The following HDAC9 variants were observed in gnomAD, a reference collection of about 807,000 sequenced individuals.
The protein encoded by HDAC9 is MEF-2 interacting transcription repressor (MITR) protein.
Under a neutral mutation model 139.4 loss-of-function variants are expected in HDAC9, and 41 were observed. The observed-to-expected ratio is 0.29, with a 90% CI of 0.23 to 0.38. The LOEUF (loss-of-function observed/expected upper bound fraction) is 0.38, where lower values mean the gene tolerates loss of function less well. Ranked by LOEUF, HDAC9 falls within the 10% of genes least tolerant of loss-of-function variation. The pLI is 1.00. For synonymous variants in HDAC9, 517 were observed against 476.2 expected (o/e 1.09, Z -1.12); for missense variants, 1,147 against 1,297.0 (o/e 0.88, Z 1.78).
At chr7:18,092,457 C>A (rs1782231877) in intron 1 of HDAC9, among the ~76,000 whole-genome samples, 1 of 151,130 alleles carries the variant, frequency 6.6e-6, no homozygotes, top group African/African-American at 2.4e-5. Flanking sequence ...GACTTTGAAG[C>A]CACTCAAGTA....
intron 25 of HDAC9, among the ~76,000 whole-genome samples, chr7:18,990,320 G>T (rs1367502051): frequency 6.6e-6 from 1 of 152,100 alleles, no homozygotes; most frequent in Admixed American, 6.5e-5. Flanking sequence ...TGAGGTGTCA[G>T]TGTGCCCCTG....
intron 1 of HDAC9, among the ~76,000 whole-genome samples, chr7:18,369,506 T>G (rs957613660): frequency 4.6e-5 from 7 of 152,010 alleles, no homozygotes; most frequent in Admixed American, 3.9e-4. Flanking sequence ...TTCTTCTCTT[T>G]TAAATATTTG....
At chr7:18,936,891 T>G (rs936564371) in intron 23 of HDAC9, among the ~76,000 whole-genome samples, 6 of 152,146 alleles carry the variant, frequency 3.9e-5, no homozygotes, top group African/African-American at 1.4e-4. Context: ...GTTACTATTG[T>G]CATCATTATT....
intron 1 of HDAC9, among the ~76,000 whole-genome samples, chr7:18,115,953 T>G (rs1216821875): frequency 6.6e-6 from 1 of 152,240 alleles, no homozygotes; most frequent in Admixed American, 6.5e-5. Context: ...CTTCACTACA[T>G]TGATACTTAG....
At chr7:18,907,624 A>G (rs1354674101) in intron 22 of HDAC9, among the ~76,000 whole-genome samples, 1 of 152,210 alleles carries the variant, frequency 6.6e-6, no homozygotes, top group Non-Finnish European at 1.5e-5. Context: ...AGCTATAGCT[A>G]GATAATTCCT....
rs1173109996 is a variant in HDAC9 at position 18,648,586 on chromosome 7, T to C, written c.1370T>C (p.Leu457Ser). 6.2e-7 allele frequency: 1 copy of C among 1,613,656 alleles called. No individual in the cohort carries two copies. The highest frequency in any genetic ancestry group is 8.5e-7 in the Non-Finnish European group (1 of 1,179,736). ...CTGAACCGAACCCAGTCTGCACCTTTGCCTCAGAGCACGTTGGCTCAGCTG... is the reference window on the plus strand; with the variant it reads ...CTGAACCGAACCCAGTCTGCACCTTCGCCTCAGAGCACGTTGGCTCAGCTG... ...RPLNRTQSAP[L>S]PQSTLAQLVI... Residue 457 changes from leucine to serine, a missense_variant, in exon 11 of 26, where the codon TTG (leucine) becomes TCG (serine). Physicochemically the swap from Leu to Ser is moderately radical, Grantham distance 145 (BLOSUM62 -2). Around this residue, in one of 7 missense-constraint regions of HDAC9, gnomAD observed 4 missense variants for 16.9 expected, o/e 0.24. Transcript: ENST00000686413.
chr7:18,505,512 G>C (rs1799523288), intron 2 of HDAC9, among the ~76,000 whole-genome samples: 1 of 152,048 alleles, frequency 6.6e-6, no homozygotes, highest in South Asian at 2.1e-4. Context: ...TGTCCAATTT[G>C]GGTCCAGTTT....
intron 1 of HDAC9, among the ~76,000 whole-genome samples, chr7:18,142,870 C>T (rs17345625): frequency 0.049 from 7,389 of 152,226 alleles, 209 homozygotes; most frequent in Non-Finnish European, 0.064. Flanking sequence ...TGGCGTAAAC[C>T]GATAGCAGCC....
At chr7:18,956,070 C>A (rs1783123398) in intron 24 of HDAC9, among the ~76,000 whole-genome samples, 2 of 152,078 alleles carry the variant, frequency 1.3e-5, no homozygotes, top group African/African-American at 2.4e-5. Flanking sequence ...TCTAGCCAAG[C>A]AAACCTGTTT....
At chr7:18,198,367 G>T (rs1316145863) in intron 2 of HDAC9, among the ~76,000 whole-genome samples, 1 of 151,938 alleles carries the variant, frequency 6.6e-6, no homozygotes, top group Non-Finnish European at 1.5e-5. Context: ...AGAAATTTTG[G>T]TTCTTATGGA....
At chr7:18,931,253 G>A (rs1804715964) in intron 22 of HDAC9, among the ~76,000 whole-genome samples, 1 of 152,046 alleles carries the variant, frequency 6.6e-6, no homozygotes, top group Non-Finnish European at 1.5e-5. Flanking sequence ...TCAAAATTTT[G>A]CGTTACTTCT....
chr7:18,236,946 A>C (rs768953838), intron 2 of HDAC9, among the ~76,000 whole-genome samples: 20 of 152,152 alleles, frequency 1.3e-4, no homozygotes, highest in Non-Finnish European at 2.6e-4. Context: ...GACTCATCCC[A>C]GTTGGCTTGA....
chr7:18,987,981 G>C (rs910839944), intron 25 of HDAC9, among the ~76,000 whole-genome samples: 4 of 152,062 alleles, frequency 2.6e-5, no homozygotes, highest in Non-Finnish European at 4.4e-5. Context: ...AGTCTTGCTA[G>C]CGGTCTAGCA....
At position 18,194,098 on chromosome 7, in the gene HDAC9, A is replaced by G. The variant is rs543417298; in HGVS notation, c.25+31749A>G. 1.3e-4 allele frequency among the ~76,000 whole-genome samples: 20 copies of G among 152,316 alleles called. No individual in the cohort carries two copies. The East Asian group carries it at 2.3e-3, about 18-fold the overall frequency. Reference sequence around the variant, plus strand: ...GGTCCAAGCCAAAGAAAGGAGATGTATAAGTACAGCCTAATCTTATTAGTG... The same window carrying G: ...GGTCCAAGCCAAAGAAAGGAGATGTGTAAGTACAGCCTAATCTTATTAGTG... On this transcript the variant is annotated intron_variant, in intron 2 of 12. Transcript: ENST00000417496.
At chr7:18,226,389 G>A (rs555804480) in intron 2 of HDAC9, among the ~76,000 whole-genome samples, 2 of 152,100 alleles carry the variant, frequency 1.3e-5, no homozygotes, top group East Asian at 3.9e-4. Context: ...TTGAGCACAT[G>A]CTCCCTGTAG....
At position 18,657,824 on chromosome 7, in the gene HDAC9, T is replaced by C. The variant is rs113283412; in HGVS notation, c.1468-8389T>C. On this transcript the variant is annotated intron_variant, in intron 11 of 25. Coordinates refer to ENST00000686413, the MANE Select transcript of HDAC9 (RefSeq NM_178425.4). ...AAAACACCCTACTTGCTCCCTCTTG[T>C]TTGTAGGATAAAATCCAAACACTTT... 6.6e-5 allele frequency among the ~76,000 whole-genome samples: 10 copies of C among 152,276 alleles called. 1 individual carries two copies. The highest frequency in any genetic ancestry group is 2.4e-4 in the African/African-American group (10 of 41,560).
At chr7:18,992,135 T>C (rs1043526349) in intron 25 of HDAC9, among the ~76,000 whole-genome samples, 1 of 152,228 alleles carries the variant, frequency 6.6e-6, no homozygotes, top group Non-Finnish European at 1.5e-5. Flanking sequence ...GACCTGGTAA[T>C]TTTGCTCTTG....
chr7:18,880,810 T>G (rs1563017357), intron 22 of HDAC9, among the ~76,000 whole-genome samples: 1 of 137,130 alleles, frequency 7.3e-6, no homozygotes, highest in African/African-American at 2.7e-5. Context: ...AAAAAAAAAT[T>G]AAGTGATTTA....
intron 16 of HDAC9, among the ~76,000 whole-genome samples, chr7:18,778,978 T>G (rs1332878701): frequency 1.3e-5 from 2 of 152,082 alleles, no homozygotes; most frequent in Non-Finnish European, 2.9e-5. Flanking sequence ...AGCTGTCACA[T>G]TAATATTTCA....
Sources: gnomAD v4.1 joint callset for allele counts (sites outside exome capture counted in the v4.1 genomes callset) on GRCh38, gnomAD v4.1.1 for gene constraint, gnomAD v4.1.1 regional missense constraint, MANE v1.5 for transcripts, NCBI Gene and HGNC (gene_info 2026-07-23, HGNC 2026-07-21) for gene names.